The following TMEM268 variants were observed in gnomAD, a reference collection of about 807,000 sequenced individuals.
The protein encoded by TMEM268 is transmembrane protein C9orf91.
A neutral mutation model predicts 39.1 loss-of-function variants in TMEM268; 24 were observed. The ratio of observed to expected loss-of-function variants is 0.61; its 90% CI spans 0.44 to 0.86. TMEM268 has a LOEUF of 0.86. Ranked by LOEUF, TMEM268 falls within the 40% of genes least tolerant of loss-of-function variation. TMEM268 has a pLI of 0.00. For synonymous variants in TMEM268, 176 were observed against 173.5 expected (o/e 1.01, Z -0.12); for missense variants, 409 against 428.6 (o/e 0.95, Z 0.40).
intron 1 of TMEM268, among the ~76,000 whole-genome samples, chr9:114,614,275 T>C (rs543286780): frequency 6.6e-6 from 1 of 152,348 alleles, no homozygotes; most frequent in African/African-American, 2.4e-5. Context: ...TGTTAAAGGC[T>C]TGTCTTTTAC....
At chr9:114,609,662 C>T (rs940063872), upstream of TMEM268, among the ~76,000 whole-genome samples, 1 of 146,138 alleles carries the variant, frequency 6.8e-6, no homozygotes, top group African/African-American at 2.6e-5. Context: ...TGCACTCCAG[C>T]CTGGGCAAGA....
intron 7 of TMEM268, 110 bp from the exon 8 acceptor site, chr9:114,638,434 T>C (rs2133707129): frequency 1.4e-6 from 1 of 731,954 alleles, no homozygotes; most frequent in Middle Eastern, 3.1e-4. Context: ...GGTCATCATC[T>C]GAGTCTGAGA....
chr9:114,635,430 A>G (rs540534799), intron 6 of TMEM268, among the ~76,000 whole-genome samples: 57 of 151,844 alleles, frequency 3.8e-4, no homozygotes, highest in Non-Finnish European at 5.7e-4. Flanking sequence ...TAATCCTAGC[A>G]CTTTGGGAGG....
At chr9:114,628,571 A>G (rs1488999536) in intron 5 of TMEM268, among the ~76,000 whole-genome samples, 2 of 152,082 alleles carry the variant, frequency 1.3e-5, no homozygotes, top group Non-Finnish European at 2.9e-5. Context: ...GGTGCTCACA[A>G]CAGCCCTATG....
Position 114,643,260 on chromosome 9 carries a change from C to CT in TMEM268, c.977dup (p.Ile327HisfsTer19), listed in dbSNP as rs749871987. ...TCCGAGAATTCCATGCCCCTGCCAGCTCATAGAAGCCTACATCCTAGGCAC... is the reference window on the plus strand; with the variant it reads ...TCCGAGAATTCCATGCCCCTGCCAGCTTCATAGAAGCCTACATCCTAGGCAC... On this transcript the variant is annotated frameshift_variant, in exon 9 of 9. Coordinates refer to ENST00000288502, the MANE Select transcript of TMEM268 (RefSeq NM_153045.4). LOFTEE classifies it high-confidence loss of function. 1.9e-6 allele frequency: 3 copies of CT among 1,614,072 alleles called. No individual in the cohort carries two copies. The highest frequency in any genetic ancestry group is 1.7e-5 in the Admixed American group (1 of 60,004).
chr9:114,634,283 CTTATAGCAA>C (rs2133688245), intron 6 of TMEM268, among the ~76,000 whole-genome samples: 2 of 152,306 alleles, frequency 1.3e-5, no homozygotes, highest in Admixed American at 1.3e-4. Flanking sequence ...CCTCTCTGGC[CTTATAGCAA>C]ACGGACAGCC....
At position 114,633,869 on chromosome 9, in the gene TMEM268, T is replaced by A. The variant is rs779511477; in HGVS notation, c.576T>A (p.Ser192Arg). Residue 192 changes from serine (S) to arginine (R), a missense_variant, in exon 6 of 9, where the codon AGT (serine) becomes AGA (arginine). Ser to Arg is a moderately radical substitution (Grantham distance 110). Coordinates refer to ENST00000288502, the MANE Select transcript of TMEM268 (RefSeq NM_153045.4). ...GVTDTVEGCQ[S>R]VIQLWFVYFD... The stretch of plus-strand genomic sequence containing the variant: ...CAGACACAGTGGAAGGATGCCAGAG[T>A]GTGATTCAGGTGCTGTGTCTCATAG... 6.9e-6 allele frequency: 11 copies of A among 1,588,684 alleles called. No homozygotes were observed. In the Admixed American group the frequency reaches 1.1e-4, roughly 15 times the overall value.
rs116710777 is a variant in TMEM268 at position 114,634,248 on chromosome 9, C to G, written c.585+370C>G. 7.5e-3 allele frequency among the ~76,000 whole-genome samples: 1,141 copies of G among 152,314 alleles called. 9 individuals carry two copies. The highest frequency in any genetic ancestry group is 0.037 in the Middle Eastern group (11 of 294). On this transcript the variant is annotated intron_variant, in intron 6 of 8. Coordinates refer to ENST00000288502, the MANE Select transcript of TMEM268 (RefSeq NM_153045.4). ...CCCTGTCCTGGCAGAGGATGACAGG[C>G]ATACAGTGAGACAGTCAACAGTAGC...
the TMEM268 span, among the ~76,000 whole-genome samples, chr9:114,604,549 G>A: frequency 7.6e-6 from 1 of 131,434 alleles, no homozygotes; most frequent in African/African-American, 3.0e-5. Context: ...TCGCACCACT[G>A]CACTCCAGCC....
chr9:114,627,422 T>C (rs2133651766), intron 4 of TMEM268, among the ~76,000 whole-genome samples: 1 of 152,286 alleles, frequency 6.6e-6, no homozygotes, highest in African/African-American at 2.4e-5. Context: ...TATATATATA[T>C]AAAATATATG....
At chr9:114,630,605 A>C (rs73656162) in intron 5 of TMEM268, among the ~76,000 whole-genome samples, 3,504 of 152,324 alleles carry the variant, frequency 0.023, 147 homozygotes, top group African/African-American at 0.08. Flanking sequence ...TCAGGGCCTC[A>C]GTTTCCTCAT....
chr9:114,632,091 A>C (rs1464928499), intron 5 of TMEM268, among the ~76,000 whole-genome samples: 3 of 140,082 alleles, frequency 2.1e-5, no homozygotes, highest in African/African-American at 8.1e-5. Flanking sequence ...GAGCGAGACT[A>C]GGTCTCCAAA....
Position 114,644,366 on chromosome 9 carries a change from T to C in TMEM268, c.*1053T>C, listed in dbSNP as rs1357809174. 2 of 152,398 alleles carry C rather than the reference T, an allele frequency of 1.3e-5. No homozygotes were observed. The highest frequency in any genetic ancestry group is 6.5e-5 in the Admixed American group (1 of 15,282). 9.4% of individuals were successfully genotyped at this position (152,398 alleles called of 1,614,324 possible). On this transcript the variant is annotated 3_prime_UTR_variant, in exon 9 of 9. Coordinates refer to ENST00000288502, the MANE Select transcript of TMEM268 (RefSeq NM_153045.4). ...CCATTTGTTGGACTCCTATTCATGC[T>C]TCAAAGTCCAGCTTTCTTAAGCCCT... is the stretch of plus-strand genomic sequence containing the variant.
At chr9:114,627,482 G>A (rs1010611006) in intron 4 of TMEM268, among the ~76,000 whole-genome samples, 1 of 152,066 alleles carries the variant, frequency 6.6e-6, no homozygotes, top group Admixed American at 6.6e-5. Context: ...ATAAATGACA[G>A]AGCCAGGATT....
chr9:114,616,336 A>G (rs1274669055), intron 1 of TMEM268, among the ~76,000 whole-genome samples: 1 of 141,538 alleles, frequency 7.1e-6, no homozygotes, highest in Non-Finnish European at 1.5e-5. Context: ...TATATTTCCT[A>G]CCATCTGATT....
At chr9:114,630,549 G>T (rs553084149) in intron 5 of TMEM268, among the ~76,000 whole-genome samples, 1 of 152,156 alleles carries the variant, frequency 6.6e-6, no homozygotes, top group Non-Finnish European at 1.5e-5. Flanking sequence ...GCAGGATACC[G>T]CCGCCATTTG....
At chr9:114,633,208 C>G (rs534214064) in intron 5 of TMEM268, among the ~76,000 whole-genome samples, 4 of 150,680 alleles carry the variant, frequency 2.7e-5, no homozygotes, top group Middle Eastern at 6.8e-3. Context: ...GTTGCCCAGG[C>G]TGGAGTGCAG....
chr9:114,630,265 C>T (rs1846335843), intron 5 of TMEM268, among the ~76,000 whole-genome samples: 1 of 113,604 alleles, frequency 8.8e-6, no homozygotes, highest in South Asian at 2.8e-4. Context: ...TTTACTGTTC[C>T]AACAATATAT....
chr9:114,617,469 C>G (rs112532768), intron 2 of TMEM268, among the ~76,000 whole-genome samples, 168 bp downstream of exon 2: 1,789 of 152,364 alleles, frequency 0.012, 35 homozygotes, highest in African/African-American at 0.041. Context: ...CACCATCACT[C>G]TCTGCTGAGC....
Sources: allele counts gnomAD v4.1 joint callset (sites outside exome capture counted in the v4.1 genomes callset), GRCh38; gene constraint gnomAD v4.1.1; transcripts MANE v1.5; gene names NCBI Gene and HGNC (gene_info 2026-07-23, HGNC 2026-07-21).